The following ATP6V0A4 variants were observed in gnomAD, a reference collection of about 807,000 sequenced individuals.
The protein encoded by ATP6V0A4 is ATPase H+ transporting V0 subunit a4.
A neutral mutation model predicts 107.3 loss-of-function variants in ATP6V0A4; 86 were observed. The observed-to-expected ratio is 0.80, with a 90% CI of 0.67 to 0.96. ATP6V0A4 has a LOEUF of 0.96. Among genes scored for constraint, ATP6V0A4 ranks in the 40% least tolerant of loss-of-function variants. The probability of loss-of-function intolerance (pLI) is 0.00; values close to 1 mark genes in which losing one functional copy is unlikely to be tolerated. For synonymous variants in ATP6V0A4, 353 were observed against 381.4 expected, an observed-to-expected ratio of 0.93 and a Z score of 0.87; for missense variants, 908 against 1,045.6, an observed-to-expected ratio of 0.87 and a Z score of 1.81.
chr7:138,723,615 C>A (rs1439767185), intron 18 of ATP6V0A4, among the ~76,000 whole-genome samples: 1 of 150,326 alleles, frequency 6.7e-6, no homozygotes, highest in South Asian at 2.1e-4. Flanking sequence ...AACCTCTGTC[C>A]CCCAGTTCAA....
At chr7:138,767,249 G>A (rs59666714) in intron 5 of ATP6V0A4, among the ~76,000 whole-genome samples, 15,120 of 152,216 alleles carry the variant, frequency 0.099, 1,028 homozygotes, top group East Asian at 0.36. Context: ...CAGGCCAGGC[G>A]AGGTGGCTCA....
At chr7:138,726,284 C>T (rs1252462118) in intron 18 of ATP6V0A4, among the ~76,000 whole-genome samples, 6 of 152,190 alleles carry the variant, frequency 3.9e-5, no homozygotes, top group East Asian at 3.9e-4. Context: ...CCACCGTGCC[C>T]GGCCGAAGAT....
chr7:138,737,452 CAGGGATGTCTTTATCACCAGCATGAAA>C, intron 15 of ATP6V0A4, among the ~76,000 whole-genome samples: 1 of 151,920 alleles, frequency 6.6e-6, no homozygotes, highest in Non-Finnish European at 1.5e-5. Flanking sequence ...TACCCAGTCT[CAGGGATGTCTTTATCACCAGCATGAAA>C]AGGGACTAAT....
At position 138,780,066 on chromosome 7, in the gene ATP6V0A4, G is replaced by A. The variant is rs551110053; in HGVS notation, c.-18+6092C>T. On this transcript the variant is annotated intron_variant, in intron 2 of 21. Transcript: ENST00000310018. ...AGTGACCCAAATTTTCATTCCTGAA[G>A]AGTGTGGGCCATTTGTAGTTCTGCC... The A allele has an allele frequency of 2.6e-5, 4 of 152,290 alleles. No homozygotes were observed. The South Asian group carries it at 8.3e-4, about 32-fold the overall frequency. The allele number at this position is 152,290 out of a possible 1,614,324, so 9.4% of individuals were successfully genotyped here.
chr7:138,752,221 T>C (rs1806265087), intron 11 of ATP6V0A4, among the ~76,000 whole-genome samples: 2 of 151,646 alleles, frequency 1.3e-5, no homozygotes, highest in Admixed American at 1.3e-4. Context: ...AATACAAAAA[T>C]TTGCTGGACG....
At chr7:138,732,854 A>AG (rs753542791) in intron 17 of ATP6V0A4, 23 bp downstream of exon 17, 17 of 1,555,270 alleles carry the variant, frequency 1.1e-5, no homozygotes, top group Non-Finnish European at 1.4e-5. Context: ...AGAAGAGTAA[A>AG]AAAAAAAAAA....
intron 1 of ATP6V0A4, among the ~76,000 whole-genome samples, chr7:138,789,231 T>G (rs1326254722): frequency 6.7e-6 from 1 of 150,294 alleles, no homozygotes; most frequent in Non-Finnish European, 1.5e-5. Context: ...GGTTTTTTTT[T>G]GTTGTTGTTG....
intron 13 of ATP6V0A4, among the ~76,000 whole-genome samples, chr7:138,745,934 A>G (rs1256474623): frequency 2.3e-5 from 1 of 43,472 alleles, no homozygotes; most frequent in African/African-American, 6.6e-5. Flanking sequence ...ACAGAGCAAG[A>G]CTCTGTCTCA....
rs545935992 is a variant in ATP6V0A4, at chr7:138,790,003, T to A, written c.-120-3743A>T. Among the ~76,000 whole-genome samples, 507 of 151,498 alleles carry A rather than the reference T, an allele frequency of 3.3e-3. 2 individuals are homozygous for A. Among genetic ancestry groups the A allele is most frequent in the African/African-American group, 0.012 (481 of 41,290 alleles). ...AAAAAAAAAAAAAGTATTAACTTGA[T>A]TTTATTTCTTGATCATAAAAATAAT... is the stretch of plus-strand genomic sequence containing the variant. On this transcript the variant is annotated intron_variant, in intron 1 of 21. Transcript: ENST00000310018.
chr7:138,736,478 G>T (rs954447292), intron 15 of ATP6V0A4, among the ~76,000 whole-genome samples: 1 of 152,262 alleles, frequency 6.6e-6, no homozygotes, highest in Non-Finnish European at 1.5e-5. Flanking sequence ...CATTTACCAC[G>T]TTTGTGCATA....
At chr7:138,726,083 G>A (rs913423330) in intron 18 of ATP6V0A4, among the ~76,000 whole-genome samples, 11 of 151,898 alleles carry the variant, frequency 7.2e-5, no homozygotes, top group Non-Finnish European at 1.3e-4. Context: ...TCCGCCTCCC[G>A]GGCTCAGGCC....
intron 5 of ATP6V0A4, among the ~76,000 whole-genome samples, chr7:138,763,528 C>G (rs184505448): frequency 1.3e-4 from 20 of 151,792 alleles, no homozygotes; most frequent in Admixed American, 1.2e-3. Flanking sequence ...CCCAGGAGGC[C>G]GAGGCAGGAG....
chr7:138,744,784 C>A (rs1393466838), intron 14 of ATP6V0A4, among the ~76,000 whole-genome samples: 6 of 152,168 alleles, frequency 3.9e-5, no homozygotes, highest in African/African-American at 1.4e-4. Flanking sequence ...CTCACTGCAA[C>A]CTCCGCCTCC....
Position 138,709,706 on chromosome 7 carries a change from CA to C in ATP6V0A4, c.2346del (p.Phe782LeufsTer7). On this transcript the variant is annotated frameshift_variant, in exon 21 of 22. Coordinates refer to ENST00000310018, the MANE Select transcript of ATP6V0A4 (RefSeq NM_020632.3). LOFTEE classifies it high-confidence loss of function. ...GCTACTGTCAGGACAGCAAATACGG[CA>C]AAAATAATAAAAACCCCGACGATTC... ...WGGIVGVFIIFAVFAVLTVAI... is the reference protein window; with the variant it reads ...WGGIVGVFIIXAVFAVLTVAI... 6.2e-7 allele frequency: 1 copy of C among 1,613,658 alleles called. No individual in the cohort carries two copies. The highest frequency in any genetic ancestry group is 8.5e-7 in the Non-Finnish European group (1 of 1,179,842).
intron 18 of ATP6V0A4, among the ~76,000 whole-genome samples, chr7:138,726,075 C>T (rs925989860): frequency 1.3e-5 from 2 of 151,932 alleles, no homozygotes; most frequent in Non-Finnish European, 2.9e-5. Flanking sequence ...CTGCAAGCTC[C>T]GCCTCCCGGG....
At position 138,709,725 on chromosome 7, in the gene ATP6V0A4, G is replaced by A. The variant is rs750296237; in HGVS notation, c.2328C>T (p.Val776=). Residue 776 remains valine (V), a synonymous_variant, in exon 21 of 22, where the codon GTC becomes GTT. Coordinates refer to ENST00000310018, the MANE Select transcript of ATP6V0A4 (RefSeq NM_020632.3). ...ATACGGCAAAAATAATAAAAACCCC[G>A]ACGATTCCTCCCCAGCCTCGCGTCT... The part of the protein sequence containing the change: ...GLQTRGWGGI[V]GVFIIFAVFA... 7 of 1,613,920 alleles carry A rather than the reference G, an allele frequency of 4.3e-6. No homozygotes were observed. Among genetic ancestry groups the A allele is most frequent in the East Asian group, 2.2e-5 (1 of 44,882 alleles).
chr7:138,775,098 C>T (rs1807598981), intron 2 of ATP6V0A4, among the ~76,000 whole-genome samples: 1 of 152,148 alleles, frequency 6.6e-6, no homozygotes, highest in South Asian at 2.1e-4. Flanking sequence ...CAGGGACTCT[C>T]CCCACCAGTG....
At position 138,798,064 on chromosome 7, in the gene ATP6V0A4, G is replaced by A; in HGVS notation, c.-151C>T. On this transcript the variant is annotated 5_prime_UTR_variant, in exon 1 of 22. Coordinates refer to ENST00000310018, the MANE Select transcript of ATP6V0A4 (RefSeq NM_020632.3). The stretch of plus-strand genomic sequence containing the variant: ...GCAGGCACTCGGCACAACTCCGCAG[G>A]ACCGGCTCACCTGCACCGGGCACTC... The A allele has an allele frequency of 4.5e-6, 7 of 1,568,588 alleles. No homozygotes were observed. The highest frequency in any genetic ancestry group is 6.0e-6 in the Non-Finnish European group (7 of 1,157,172).
intron 18 of ATP6V0A4, among the ~76,000 whole-genome samples, chr7:138,725,715 G>T (rs577559124): frequency 3.1e-4 from 47 of 152,166 alleles, no homozygotes; most frequent in African/African-American, 1.1e-3. Context: ...GTTTCACCAT[G>T]TTGGCCAGGC....
Sources: allele counts gnomAD v4.1 joint callset (sites outside exome capture counted in the v4.1 genomes callset), GRCh38; gene constraint gnomAD v4.1.1; transcripts MANE v1.5; gene names NCBI Gene and HGNC (gene_info 2026-07-23, HGNC 2026-07-21).